UBXN11: variants seen among roughly 807,000 people sequenced by gnomAD.
UBXN11 encodes UBX domain protein 11.
UBXN11 carries 47 observed loss-of-function variants against 62.8 expected under a neutral mutation model. The observed-to-expected ratio is 0.75, with a 90% CI of 0.59 to 0.95. The LOEUF (loss-of-function observed/expected upper bound fraction) is 0.95, where lower values mean the gene tolerates loss of function less well. UBXN11 is among the 40% of genes least tolerant of loss of function. The probability of loss-of-function intolerance (pLI) is 0.00; values close to 1 mark genes in which losing one functional copy is unlikely to be tolerated. For synonymous variants in UBXN11, 294 were observed against 267.0 expected, an observed-to-expected ratio of 1.10 and a Z score of -0.99; for missense variants, 638 against 661.7, an observed-to-expected ratio of 0.96 and a Z score of 0.39.
intron 1 of UBXN11, among the ~76,000 whole-genome samples, chr1:26,314,323 TG>T (rs907713769): frequency 2.0e-5 from 3 of 152,088 alleles, no homozygotes; most frequent in African/African-American, 7.2e-5. Flanking sequence ...AAAGCCTAGG[TG>T]GGGGGAGTTT....
rs1400861370 is a variant in UBXN11 at position 26,304,037 on chromosome 1, A to G, written c.-35-1119T>C. On this transcript the variant is annotated intron_variant, in intron 1 of 14. Coordinates refer to ENST00000374222, the MANE Select transcript of UBXN11 (RefSeq NM_001389556.1). ...CTCCCAAAGTGCTGGGATTACAGGCATGAGCCACTGCACCCAGCCTGGACC... is the reference window on the plus strand; with the variant it reads ...CTCCCAAAGTGCTGGGATTACAGGCGTGAGCCACTGCACCCAGCCTGGACC... Among the ~76,000 whole-genome samples, 5 of 152,140 alleles carry G rather than the reference A, an allele frequency of 3.3e-5. No homozygotes were observed. In the East Asian group the frequency reaches 9.6e-4, roughly 29 times the overall value.
chr1:26,286,138 T>C (rs1012792268), intron 8 of UBXN11, 101 bp from the exon 9 acceptor site: 9 of 1,111,840 alleles, frequency 8.1e-6, no homozygotes, highest in Non-Finnish European at 3.8e-6. Flanking sequence ...GTGGTCTTAA[T>C]GTCTCCTTAA....
chr1:26,301,783 G>A (rs1448959545), intron 2 of UBXN11, 61 bp from the exon 3 acceptor site: 2 of 1,604,768 alleles, frequency 1.2e-6, no homozygotes, highest in Non-Finnish European at 1.7e-6. Flanking sequence ...ATGATACCAG[G>A]GATAAGGCTC....
At chr1:26,299,971 G>A (rs955523563) in intron 4 of UBXN11, among the ~76,000 whole-genome samples, 1 of 151,980 alleles carries the variant, frequency 6.6e-6, no homozygotes, top group Non-Finnish European at 1.5e-5. Context: ...CTCCAGCCTG[G>A]ATGACAGAGC....
At chr1:26,310,583 C>T (rs1358635778), upstream of UBXN11, among the ~76,000 whole-genome samples, 34 of 148,758 alleles carry the variant, frequency 2.3e-4, no homozygotes, top group Non-Finnish European at 4.3e-4. Flanking sequence ...CAAAAATTAG[C>T]AGGGCATGGT....
chr1:26,282,558 G>A lies in UBXN11; in HGVS notation c.1304C>T (p.Ala435Val), dbSNP rs776405229. The A allele has an allele frequency of 8.1e-5, 130 of 1,599,124 alleles. No individual in the cohort carries two copies. In the Admixed American group the frequency reaches 2.2e-3, roughly 27 times the overall value. Residue 435 changes from alanine (A) to valine (V), a missense_variant, in exon 15 of 15, where the codon GCC becomes GTC. Physicochemically the swap from Ala to Val is moderately conservative, Grantham distance 64. Transcript: ENST00000374222. ...TGTGCTGAAGATCTCAAAGGCAGAG[G>A]CATCCATGACCCTGGGGACCAGGCA... Reference protein sequence around the residue: ...ALLAQARVMDASAFEIFSTFP... With the variant: ...ALLAQARVMDVSAFEIFSTFP...
In UBXN11 at chr1:26,282,696, C is replaced by T. The variant is rs747009592; in HGVS notation, c.1245G>A (p.Gln415=). The change falls in exon 14 of 15, where the codon CAG becomes CAA. Residue 415 remains glutamine, a synonymous_variant. Transcript: ENST00000374222. ...NGEQAFLLMM[Q]PDNTIGDVRA... is the part of the protein sequence containing the mutation. The stretch of plus-strand genomic sequence containing the variant: ...GCACGTCCCCAATGGTGTTGTCAGG[C>T]TGCATCATCAGTAGGAAGGCCTGTT... The T allele has an allele frequency of 6.2e-7, 1 of 1,614,200 alleles. No homozygotes were observed. The highest frequency in any genetic ancestry group is 1.1e-5 in the South Asian group (1 of 91,092).
At chr1:26,284,304 C>T (rs896022760) in intron 11 of UBXN11, 58 bp downstream of exon 11, 3 of 1,612,152 alleles carry the variant, frequency 1.9e-6, no homozygotes, top group African/African-American at 1.3e-5. Context: ...GTGGAGCCCC[C>T]CTGGAGTTTG....
In UBXN11 at chr1:26,291,888, A is replaced by G. The variant is rs145911058; in HGVS notation, c.559+2317T>C. ...CGCTCCCCTTCCTAGCATCATAGGG[A>G]CTGCACAGCCCCCAGCTTTGCTGTG... is the stretch of plus-strand genomic sequence containing the variant. On this transcript the variant is annotated intron_variant, in intron 8 of 14. Transcript: ENST00000374222. Among the ~76,000 whole-genome samples, 129 of 152,264 alleles carry G rather than the reference A, an allele frequency of 8.5e-4. 1 individual carries two copies. In the East Asian group the frequency reaches 0.021, roughly 25 times the overall value.
chr1:26,306,834 G>GAGGTT, upstream of UBXN11: 1 of 40,208 alleles, frequency 2.5e-5, no homozygotes, highest in Non-Finnish European at 8.6e-5. Flanking sequence ...CGGGGTGGGG[G>GAGGTT]GGGGGGGTGG....
At chr1:26,284,279 G>A (rs1176461106) in intron 11 of UBXN11, 34 bp from the exon 12 acceptor site, 3 of 1,607,034 alleles carry the variant, frequency 1.9e-6, no homozygotes, top group Non-Finnish European at 1.7e-6. Context: ...GGCCCAGGAA[G>A]GACTATGAGT....
chr1:26,285,823 C>T lies in UBXN11; in HGVS notation c.774G>A (p.Gln258=), dbSNP rs775907139. The change falls in exon 9 of 15, where the codon CAG becomes CAA. Residue 258 remains glutamine (Q), a splice_region_variant and synonymous_variant. Coordinates refer to ENST00000374222, the MANE Select transcript of UBXN11 (RefSeq NM_001389556.1). ...PFQPFYDPST[Q]RCLRDILDGF... Reference sequence around the variant, plus strand: ...CCACCCCCCCCAACACCGCTCCTACCTGTGTGGAGGGATCGTAGAAGGGCT... The same window carrying T: ...CCACCCCCCCCAACACCGCTCCTACTTGTGTGGAGGGATCGTAGAAGGGCT... 12 of 1,598,978 alleles carry T rather than the reference C, an allele frequency of 7.5e-6. No homozygotes were observed. The African/African-American group carries it at 1.1e-4, about 14-fold the overall frequency.
chr1:26,282,672 C>T lies in UBXN11; in HGVS notation c.1269G>A (p.Val423=), dbSNP rs777496692. 1.2e-6 allele frequency: 2 copies of T among 1,614,142 alleles called. No individual in the cohort carries two copies. The highest frequency in any genetic ancestry group is 2.2e-5 in the South Asian group (2 of 91,092). Residue 423 remains valine, a synonymous_variant, in exon 14 of 15, where the codon GTG becomes GTA. Transcript: ENST00000374222. Reference sequence around the variant, plus strand: ...ACCTGGCCTGCGCTAGCAGAGCTCGCACGTCCCCAATGGTGTTGTCAGGCT... The same window carrying T: ...ACCTGGCCTGCGCTAGCAGAGCTCGTACGTCCCCAATGGTGTTGTCAGGCT... ...MMQPDNTIGD[V]RALLAQARVM...
Position 26,300,999 on chromosome 1 carries a change from A to G in UBXN11, c.126T>C (p.Asp42=). Residue 42 remains aspartate, a synonymous_variant, in exon 4 of 15, where the codon GAT becomes GAC. Transcript: ENST00000374222. ...GDEDEVDMLS[D]GCGSEEKISV... is the part of the protein sequence containing the mutation. ...AGATCTTTTCTTCTGAGCCACACCC[A>G]TCACTCAACATGTCCACCTCATCTT... 1 of 1,614,198 alleles carries G rather than the reference A, an allele frequency of 6.2e-7. No individual in the cohort carries two copies. The highest frequency in any genetic ancestry group is 8.5e-7 in the Non-Finnish European group (1 of 1,180,024).
At chr1:26,284,059 A>C in intron 12 of UBXN11, 83 bp downstream of exon 12, 1 of 1,386,748 alleles carries the variant, frequency 7.2e-7, no homozygotes, top group Non-Finnish European at 9.8e-7. Context: ...GAGCCTTCTG[A>C]CAAGACACTG....
chr1:26,302,805 C>T lies in UBXN11; in HGVS notation c.71+8G>A, dbSNP rs1288243167. The T allele has an allele frequency of 6.2e-7, 1 of 1,612,852 alleles. No individual in the cohort carries two copies. The highest frequency in any genetic ancestry group is 8.5e-7 in the Non-Finnish European group (1 of 1,179,458). ...GGGACAGAAAGACCCCTGAGGCTGG[C>T]TCCTTACCCAGGATTCATAGGCTCC... is the stretch of plus-strand genomic sequence containing the variant. On this transcript the variant is annotated splice_region_variant and intron_variant, in intron 2 of 14. Coordinates refer to ENST00000374222, the MANE Select transcript of UBXN11 (RefSeq NM_001389556.1).
chr1:26,306,069 G>C (rs1402186759), intron 1 of UBXN11, among the ~76,000 whole-genome samples: 2 of 152,194 alleles, frequency 1.3e-5, no homozygotes, highest in Admixed American at 1.3e-4. Flanking sequence ...ACTCCTGAGG[G>C]CAGGGGCATA....
In UBXN11 at chr1:26,282,392, A is replaced by ACCGGGACCGGGACTGGGG. The variant is rs1557677737; in HGVS notation, c.1469_1470insCCCCAGTCCCGGTCCCGG (p.Pro491_Gly492insSerProGlyProGlyPro). 5.5e-4 allele frequency: 228 copies of ACCGGGACCGGGACTGGGG among 414,322 alleles called. 1 individual carries two copies. The South Asian group carries it at 6.1e-3, about 11-fold the overall frequency. 25.7% of individuals were successfully genotyped at this position (414,322 alleles called of 1,614,324 possible). A position where few individuals can be genotyped will look rare whatever the true frequency, so the allele number is the denominator to read the frequency against. On this transcript the variant is annotated inframe_insertion, in exon 15 of 15. Transcript: ENST00000374222. ...GACCGGGACCGGGACTGGGGCCGGG[A>ACCGGGACCGGGACTGGGG]CCGGGACCGGGACAGGGACCAGGAC...
chr1:26,303,027 G>A (rs1416343213), intron 1 of UBXN11, 109 bp from the exon 2 acceptor site: 1 of 690,944 alleles, frequency 1.4e-6, no homozygotes, highest in Non-Finnish European at 2.4e-6. Flanking sequence ...GGGAAGCGCT[G>A]TCTAGGCAGC....
Sources: allele counts gnomAD v4.1 joint callset (sites outside exome capture counted in the v4.1 genomes callset), GRCh38; gene constraint gnomAD v4.1.1; transcripts MANE v1.5; gene names NCBI Gene and HGNC (gene_info 2026-07-23, HGNC 2026-07-21).